Variants in RYR2 observed in about 807,000 individuals in gnomAD.
RYR2 encodes cardiac muscle ryanodine receptor-calcium release channel.
RYR2 carries 227 observed loss-of-function variants against 601.1 expected under a neutral mutation model. That is an observed-to-expected ratio of 0.38 (90% CI 0.34 to 0.42). The LOEUF is 0.42. Among genes scored for constraint, RYR2 ranks in the 10% least tolerant of loss-of-function variants. RYR2 has a pLI of 1.00. For missense variants in RYR2, 4,646 were observed against 6,156.5 expected, an observed-to-expected ratio of 0.75 and a Z score of 8.21; for synonymous variants, 2,223 against 2,175.1, an observed-to-expected ratio of 1.02 and a Z score of -0.61.
At chr1:237,638,572 TCATGAAGGAAGTATTAGTAAAGAAA>T in intron 45 of RYR2, 80 bp downstream of exon 45, 1 of 1,440,860 alleles carries the variant, frequency 6.9e-7, no homozygotes, top group Admixed American at 2.1e-5. Flanking sequence ...CTCAGCACTT[TCATGAAGGAAGTATTAGTAAAGAAA>T]TCACATATTT....
intron 2 of RYR2, among the ~76,000 whole-genome samples, chr1:237,293,625 C>T (rs1464683117): frequency 6.6e-6 from 1 of 152,110 alleles, no homozygotes; most frequent in East Asian, 1.9e-4. Flanking sequence ...TCACATAACT[C>T]AGGAAAACAG....
At chr1:237,417,147 C>T (rs759570625) in intron 11 of RYR2, 24 bp downstream of exon 11, 1 of 1,561,508 alleles carries the variant, frequency 6.4e-7, no homozygotes, top group Non-Finnish European at 8.8e-7. Flanking sequence ...CTAAACACAG[C>T]CTAATGCACC....
In RYR2 at chr1:237,624,979, A is replaced by ATG. The variant is rs532523020; in HGVS notation, c.6023-674_6023-673dup. Reference sequence around the variant, plus strand: ...TTATACTACATGTGTGTGTACATGTATGTGTGTGTATATATATATATTTCT... The same window carrying ATG: ...TTATACTACATGTGTGTGTACATGTATGTGTGTGTGTATATATATATATTTCT... On this transcript the variant is annotated intron_variant, in intron 39 of 104. Coordinates refer to ENST00000366574, the MANE Select transcript of RYR2 (RefSeq NM_001035.3). 8.4e-4 allele frequency among the ~76,000 whole-genome samples: 128 copies of ATG among 152,002 alleles called. No homozygotes were observed. In the Middle Eastern group the frequency reaches 0.01, roughly 12 times the overall value.
intron 29 of RYR2, among the ~76,000 whole-genome samples, chr1:237,577,500 C>CTGTG (rs763937941): frequency 0.017 from 1,925 of 113,544 alleles, 40 homozygotes; most frequent in Non-Finnish European, 0.022. Context: ...GTGTGTGTTT[C>CTGTG]TGTGTGTGTG....
intron 29 of RYR2, among the ~76,000 whole-genome samples, chr1:237,582,086 TTTTTATTTTTA>T (rs1039543994): frequency 2.0e-4 from 30 of 152,006 alleles, no homozygotes; most frequent in East Asian, 3.9e-4. Flanking sequence ...AGTTCTTTAT[TTTTTATTTTTA>T]TTTTATTTTT....
chr1:237,056,617 G>GAGCACTGCACCTGTGAGGACTGC (rs1662134561), intron 1 of RYR2, among the ~76,000 whole-genome samples: 1 of 138,850 alleles, frequency 7.2e-6, no homozygotes, highest in Non-Finnish European at 1.5e-5. Context: ...GTGAGGACTG[G>GAGCACTGCACCTGTGAGGACTGC]AGCACTGCAC....
At chr1:237,405,194 T>A (rs1320532676) in intron 10 of RYR2, among the ~76,000 whole-genome samples, 1 of 152,136 alleles carries the variant, frequency 6.6e-6, no homozygotes, top group African/African-American at 2.4e-5. Context: ...TGAGGACATA[T>A]AGTAAAGGAC....
intron 1 of RYR2, among the ~76,000 whole-genome samples, chr1:237,131,037 G>A (rs144562801): frequency 6.6e-6 from 1 of 152,168 alleles, no homozygotes; most frequent in East Asian, 1.9e-4. Flanking sequence ...CAACACTATT[G>A]TACTGCTGAG....
chr1:237,569,349 A>G (rs1199952240), intron 29 of RYR2, 30 bp downstream of exon 29: 4 of 1,599,836 alleles, frequency 2.5e-6, no homozygotes, highest in Middle Eastern at 1.7e-4. Flanking sequence ...TGTTTTTTTT[A>G]AGTTTGCAGC....
intron 13 of RYR2, among the ~76,000 whole-genome samples, chr1:237,442,797 G>C (rs1708025234): frequency 6.6e-6 from 1 of 152,090 alleles, no homozygotes; most frequent in South Asian, 2.1e-4. Context: ...TGAACTTGCA[G>C]CTAGGTATAA....
chr1:237,824,212 G>A (rs1411704462), intron 101 of RYR2, among the ~76,000 whole-genome samples: 2 of 152,096 alleles, frequency 1.3e-5, no homozygotes, highest in Admixed American at 6.6e-5. Flanking sequence ...AAACCCGGCA[G>A]AGACACAACA....
At chr1:237,427,782 C>CAAAAAA (rs57614793) in intron 12 of RYR2, among the ~76,000 whole-genome samples, 8 of 56,218 alleles carry the variant, frequency 1.4e-4, no homozygotes, top group Admixed American at 2.9e-4. Flanking sequence ...GACTCTGCCT[C>CAAAAAA]AAAAAAAAAA....
intron 27 of RYR2, among the ~76,000 whole-genome samples, chr1:237,562,343 AT>A (rs1671541989): frequency 6.6e-6 from 1 of 152,240 alleles, no homozygotes; most frequent in South Asian, 2.1e-4. Flanking sequence ...CTAGATATGT[AT>A]AAAATTTTAG....
intron 2 of RYR2, among the ~76,000 whole-genome samples, chr1:237,321,132 C>T (rs914461314): frequency 2.0e-5 from 3 of 152,062 alleles, no homozygotes; most frequent in African/African-American, 7.2e-5. Context: ...GCATGTCACT[C>T]AGTTTTCTGA....
chr1:237,685,293 G>A (rs1686285442), intron 62 of RYR2, among the ~76,000 whole-genome samples: 1 of 152,202 alleles, frequency 6.6e-6, no homozygotes. Context: ...GGAGGGGAAA[G>A]AGTTACAATT....
At chr1:237,802,408 C>G (rs1660083535) in intron 98 of RYR2, 1 of 152,170 alleles carries the variant, frequency 6.6e-6, no homozygotes, top group Non-Finnish European at 1.5e-5. Flanking sequence ...CTAAAAACCG[C>G]CAGGTGTCTC....
chr1:237,613,956 A>G (rs1000994934), intron 36 of RYR2, 83 bp from the exon 37 acceptor site: 9 of 1,285,526 alleles, frequency 7.0e-6, no homozygotes, highest in South Asian at 1.5e-5. Context: ...TCAAATTTAC[A>G]GTGCATACTG....
At chr1:237,821,144 G>A (rs763904670) in intron 101 of RYR2, among the ~76,000 whole-genome samples, 2 of 152,182 alleles carry the variant, frequency 1.3e-5, no homozygotes, top group African/African-American at 2.4e-5. Context: ...GAGGAGAGCA[G>A]CAGATCTCCC....
chr1:237,278,008 A>G (rs1336921002), intron 2 of RYR2, among the ~76,000 whole-genome samples: 2 of 152,106 alleles, frequency 1.3e-5, no homozygotes, highest in Admixed American at 6.6e-5. Context: ...TTACATCAGT[A>G]AATTTTTGAG....
Sources: gnomAD v4.1 joint callset for allele counts (sites outside exome capture counted in the v4.1 genomes callset) on GRCh38, gnomAD v4.1.1 for gene constraint, MANE v1.5 for transcripts, NCBI Gene and HGNC (gene_info 2026-07-23, HGNC 2026-07-21) for gene names.